Variants in TNFRSF11B observed in about 807,000 individuals in gnomAD.
TNFRSF11B encodes tumor necrosis factor receptor superfamily member 11B.
TNFRSF11B carries 16 observed loss-of-function variants against 43.4 expected under a neutral mutation model. That is an observed-to-expected ratio of 0.37 (90% CI 0.25 to 0.56). The LOEUF is 0.56. Among genes scored for constraint, TNFRSF11B ranks in the 20% least tolerant of loss-of-function variants. The probability of loss-of-function intolerance (pLI) is 0.80; values close to 1 mark genes in which losing one functional copy is unlikely to be tolerated. For synonymous variants in TNFRSF11B, 185 were observed against 181.8 expected (o/e 1.02, Z -0.14); for missense variants, 444 against 490.1 (o/e 0.91, Z 0.89).
At chr8:118,924,863 A>G (rs1239220650) in intron 4 of TNFRSF11B, 101 bp from the exon 5 acceptor site, 1 of 1,434,394 alleles carries the variant, frequency 7.0e-7, no homozygotes, top group Non-Finnish European at 9.7e-7. Flanking sequence ...AGAATTTCAT[A>G]ATTATATTTC....
intron 2 of TNFRSF11B, among the ~76,000 whole-genome samples, chr8:118,931,760 C>T (rs1812332274): frequency 6.6e-6 from 1 of 152,148 alleles, no homozygotes; most frequent in Non-Finnish European, 1.5e-5. Flanking sequence ...CATTTGTATG[C>T]CTTTAAACCT....
intron 1 of TNFRSF11B, among the ~76,000 whole-genome samples, chr8:118,943,919 T>C (rs138234795): frequency 1.3e-5 from 2 of 152,246 alleles, no homozygotes; most frequent in East Asian, 3.9e-4. Context: ...GCTAACCCTT[T>C]ATGTAATCTA....
At chr8:118,936,331 T>A (rs1812405496) in intron 1 of TNFRSF11B, among the ~76,000 whole-genome samples, 1 of 152,146 alleles carries the variant, frequency 6.6e-6, no homozygotes, top group Admixed American at 6.5e-5. Context: ...TTTCAGCAAG[T>A]TCAATTGGGC....
chr8:118,929,609 A>G lies in TNFRSF11B; in HGVS notation c.401-680T>C, dbSNP rs11573918. 9.9e-3 allele frequency among the ~76,000 whole-genome samples: 1,500 copies of G among 152,242 alleles called. 26 individuals are homozygous for G. The highest frequency in any genetic ancestry group is 0.034 in the African/African-American group (1,425 of 41,566). Reference sequence around the variant, plus strand: ...AGTCGTTAAAACTTCAGGAAGGGTGACTGCAAGGGCATTTTACTTCATGAT... The same window carrying G: ...AGTCGTTAAAACTTCAGGAAGGGTGGCTGCAAGGGCATTTTACTTCATGAT... On this transcript the variant is annotated intron_variant, in intron 2 of 4. Coordinates refer to ENST00000297350, the MANE Select transcript of TNFRSF11B (RefSeq NM_002546.4).
intron 1 of TNFRSF11B, among the ~76,000 whole-genome samples, chr8:118,950,558 G>A (rs1482361015): frequency 2.0e-5 from 3 of 152,182 alleles, no homozygotes; most frequent in Non-Finnish European, 4.4e-5. Flanking sequence ...TGATCTGTGT[G>A]CTAGCTCACA....
rs144876970 is a variant in TNFRSF11B at position 118,936,781 on chromosome 8, C to T, written c.31-3481G>A. On this transcript the variant is annotated intron_variant, in intron 1 of 4. Transcript: ENST00000297350. ...ATCGCGCCACTGCACTCCAGCCTGG[C>T]GACAGAGCGAGACTCTGTCTCAAAA... Among the ~76,000 whole-genome samples the T allele has an allele frequency of 5.3e-5, 8 of 151,962 alleles. No homozygotes were observed. The East Asian group carries it at 5.8e-4, about 11-fold the overall frequency.
Position 118,951,710 on chromosome 8 carries a change from C to T in TNFRSF11B, c.30+82G>A, listed in dbSNP as rs547933002. The T allele has an allele frequency of 9.1e-4, 1,259 of 1,385,836 alleles. 1 individual carries two copies. The highest frequency in any genetic ancestry group is 1.1e-3 in the Non-Finnish European group (1,133 of 997,624). 85.8% of individuals were successfully genotyped at this position (1,385,836 alleles called of 1,614,324 possible). A position where few individuals can be genotyped will look rare whatever the true frequency, so the allele number is the denominator to read the frequency against. ...GGGAGCGAGTGGAGCCTTCTCCCCGCCGGTCCGCTGGGAGGTTGGGAGACC... is the reference window on the plus strand; with the variant it reads ...GGGAGCGAGTGGAGCCTTCTCCCCGTCGGTCCGCTGGGAGGTTGGGAGACC... On this transcript the variant is annotated intron_variant, in intron 1 of 4. Coordinates refer to ENST00000297350, the MANE Select transcript of TNFRSF11B (RefSeq NM_002546.4).
chr8:118,951,577 C>T (rs1812646364), intron 1 of TNFRSF11B, among the ~76,000 whole-genome samples: 1 of 152,160 alleles, frequency 6.6e-6, no homozygotes, highest in African/African-American at 2.4e-5. Context: ...TTGCTGTCTT[C>T]CATAAAGTCA....
intron 3 of TNFRSF11B, 57 bp downstream of exon 3, chr8:118,928,681 C>G (rs1812280405): frequency 1.3e-6 from 2 of 1,583,514 alleles, no homozygotes; most frequent in Non-Finnish European, 1.7e-6. Context: ...GTGTTCAACT[C>G]AGAGAGAGAG....
chr8:118,927,045 G>A (rs535252776), intron 3 of TNFRSF11B, among the ~76,000 whole-genome samples: 1 of 152,232 alleles, frequency 6.6e-6, no homozygotes, highest in Non-Finnish European at 1.5e-5. Flanking sequence ...TCTATTAAAG[G>A]TTTACCTAGT....
At chr8:118,937,948 T>A (rs902780361) in intron 1 of TNFRSF11B, among the ~76,000 whole-genome samples, 2 of 152,026 alleles carry the variant, frequency 1.3e-5, no homozygotes, top group South Asian at 4.1e-4. Context: ...ATGTTTTAAG[T>A]CAAAATAAAA....
intron 3 of TNFRSF11B, among the ~76,000 whole-genome samples, chr8:118,927,724 A>C (rs1055866300): frequency 1.3e-5 from 2 of 152,110 alleles, no homozygotes; most frequent in Non-Finnish European, 2.9e-5. Context: ...GGGGAGAGTC[A>C]AGCTGGTTTA....
chr8:118,943,380 A>G (rs1433696914), intron 1 of TNFRSF11B, among the ~76,000 whole-genome samples: 1 of 152,092 alleles, frequency 6.6e-6, no homozygotes. Context: ...AGTATACTAA[A>G]ATCACTTCAC....
chr8:118,937,517 A>C (rs1872426), intron 1 of TNFRSF11B, among the ~76,000 whole-genome samples: 68,671 of 152,138 alleles, frequency 0.45, 16,430 homozygotes, highest in Non-Finnish European at 0.54. Flanking sequence ...GCTTAACAAA[A>C]GTCAGTTCTG....
At position 118,924,025 on chromosome 8, in the gene TNFRSF11B, A is replaced by T. The variant is rs888097904; in HGVS notation, c.*349T>A. ...TGGCTTTCTAATAAAAGCCTCTAGC[A>T]TAGCTGAAATCTCAAAGCTATTTAA... On this transcript the variant is annotated 3_prime_UTR_variant, in exon 5 of 5. Coordinates refer to ENST00000297350, the MANE Select transcript of TNFRSF11B (RefSeq NM_002546.4). The T allele has an allele frequency of 4.4e-5, 9 of 206,220 alleles. No homozygotes were observed. Among genetic ancestry groups the T allele is most frequent in the South Asian group, 8.8e-5 (1 of 11,392 alleles). 12.8% of individuals were successfully genotyped at this position (206,220 alleles called of 1,614,324 possible).
intron 3 of TNFRSF11B, 22 bp from the exon 4 acceptor site, chr8:118,926,740 C>A: frequency 6.3e-7 from 1 of 1,596,680 alleles, no homozygotes; most frequent in Non-Finnish European, 8.6e-7. Context: ...TTAGAAAACC[C>A]AGAAGATTTA....
chr8:118,935,575 T>C (rs1369492945), intron 1 of TNFRSF11B, among the ~76,000 whole-genome samples: 1 of 151,986 alleles, frequency 6.6e-6, no homozygotes, highest in Non-Finnish European at 1.5e-5. Context: ...TCAGGGCTTC[T>C]ATAATTAATT....
chr8:118,945,280 G>GT (rs770047237), intron 1 of TNFRSF11B, among the ~76,000 whole-genome samples: 3,820 of 150,560 alleles, frequency 0.025, 156 homozygotes, highest in African/African-American at 0.089. Context: ...GCACAATTGT[G>GT]TGTGTGTTTA....
chr8:118,928,984 A>G lies in TNFRSF11B; in HGVS notation c.401-55T>C. 7 of 1,535,606 alleles carry G rather than the reference A, an allele frequency of 4.6e-6. No individual in the cohort carries two copies. In the South Asian group the frequency reaches 7.8e-5, roughly 17 times the overall value. ...TTCTCCTCAAATCGTTTCCCAGCAG[A>G]TGCCCTCTTAACACAGTTTTGGAAA... On this transcript the variant is annotated intron_variant, in intron 2 of 4. Transcript: ENST00000297350.
Sources: gnomAD v4.1 joint callset for allele counts (sites outside exome capture counted in the v4.1 genomes callset) on GRCh38, gnomAD v4.1.1 for gene constraint, MANE v1.5 for transcripts, NCBI Gene and HGNC (gene_info 2026-07-23, HGNC 2026-07-21) for gene names.